The following RIMS2 variants were observed in gnomAD, a reference collection of about 807,000 sequenced individuals.
The protein encoded by RIMS2 is regulating synaptic membrane exocytosis 2.
In RIMS2, 59 loss-of-function variants were observed where a neutral mutation model predicts 174.4. The observed-to-expected ratio is 0.34, with a 90% CI of 0.27 to 0.42. The LOEUF (loss-of-function observed/expected upper bound fraction) is 0.42, where lower values mean the gene tolerates loss of function less well. Ranked by LOEUF, RIMS2 falls within the 10% of genes least tolerant of loss-of-function variation. The pLI, the probability that RIMS2 is intolerant of heterozygous loss-of-function variation, is 1.00. For missense variants in RIMS2, 1,620 were observed against 1,666.3 expected (o/e 0.97, Z 0.48); for synonymous variants, 606 against 572.5 (o/e 1.06, Z -0.84).
chr8:104,063,454 C>T (rs915927343), intron 19 of RIMS2, among the ~76,000 whole-genome samples: 1 of 151,852 alleles, frequency 6.6e-6, no homozygotes, highest in African/African-American at 2.4e-5. Context: ...TTCTTTAGCT[C>T]AATTAAAGGA....
intron 1 of RIMS2, among the ~76,000 whole-genome samples, chr8:103,595,823 T>C (rs902283570): frequency 3.3e-5 from 5 of 151,948 alleles, no homozygotes; most frequent in African/African-American, 1.2e-4. Context: ...TAAGAAGAAA[T>C]GAGGACTTCC....
intron 3 of RIMS2, among the ~76,000 whole-genome samples, chr8:103,811,367 T>A (rs1054042695): frequency 3.9e-5 from 6 of 152,206 alleles, no homozygotes; most frequent in Non-Finnish European, 8.8e-5. Context: ...AATCTAGGTT[T>A]GGTACTCTAT....
At chr8:103,798,822 C>T (rs1234649089) in intron 3 of RIMS2, among the ~76,000 whole-genome samples, 2 of 151,752 alleles carry the variant, frequency 1.3e-5, no homozygotes, top group African/African-American at 4.8e-5. Context: ...ACTTTGCAGA[C>T]ATGATTAAGG....
At chr8:104,224,147 G>C (rs545320412) in intron 19 of RIMS2, among the ~76,000 whole-genome samples, 4 of 152,224 alleles carry the variant, frequency 2.6e-5, no homozygotes, top group Non-Finnish European at 5.9e-5. Context: ...TTAGCATTCG[G>C]CCTGGAGGAC....
At chr8:104,223,729 T>C in intron 19 of RIMS2, 1 of 1,593,358 alleles carries the variant, frequency 6.3e-7, no homozygotes. Context: ...GTAGCCTGTC[T>C]GCCTCCTTCG....
At chr8:103,870,301 A>T (rs1221676159) in intron 3 of RIMS2, among the ~76,000 whole-genome samples, 2 of 152,006 alleles carry the variant, frequency 1.3e-5, no homozygotes, top group African/African-American at 4.8e-5. Context: ...TAGTGGATAC[A>T]TGTAAAGTAC....
At chr8:103,961,929 T>C (rs1184414440) in intron 15 of RIMS2, among the ~76,000 whole-genome samples, 1 of 152,184 alleles carries the variant, frequency 6.6e-6, no homozygotes, top group African/African-American at 2.4e-5. Context: ...TTTCCCTTTC[T>C]TTGTACTAAG....
chr8:103,868,113 G>A (rs1031434419), intron 3 of RIMS2, among the ~76,000 whole-genome samples: 2 of 151,914 alleles, frequency 1.3e-5, no homozygotes, highest in African/African-American at 2.4e-5. Flanking sequence ...CAACAGCTGG[G>A]ATCACAGAGA....
At chr8:103,640,171 T>C (rs2096195456) in intron 1 of RIMS2, among the ~76,000 whole-genome samples, 1 of 151,918 alleles carries the variant, frequency 6.6e-6, no homozygotes. Context: ...AATTATCAAA[T>C]TTGGGATAGT....
At chr8:104,223,101 A>T (rs1264522282) in intron 19 of RIMS2, among the ~76,000 whole-genome samples, 1 of 152,208 alleles carries the variant, frequency 6.6e-6, no homozygotes, top group Admixed American at 6.5e-5. Flanking sequence ...CGGTTTACTT[A>T]TCTGAGATGC....
chr8:104,010,817 C>T (rs1217926821), intron 17 of RIMS2, among the ~76,000 whole-genome samples: 2 of 151,994 alleles, frequency 1.3e-5, no homozygotes, highest in Non-Finnish European at 2.9e-5. Flanking sequence ...CTGATAAAAC[C>T]ATGGCCACTC....
chr8:104,223,829 T>A, intron 19 of RIMS2: 1 of 1,563,596 alleles, frequency 6.4e-7, no homozygotes, highest in Non-Finnish European at 8.7e-7. Context: ...GGTGTCTCTA[T>A]CTGTTTAGAA....
At chr8:104,206,467 A>G (rs539188414) in intron 19 of RIMS2, among the ~76,000 whole-genome samples, 2 of 152,360 alleles carry the variant, frequency 1.3e-5, no homozygotes, top group South Asian at 4.1e-4. Flanking sequence ...CAGTGTCAGA[A>G]GAATATACCA....
At chr8:103,743,555 G>T (rs985332575) in intron 2 of RIMS2, among the ~76,000 whole-genome samples, 1 of 64,052 alleles carries the variant, frequency 1.6e-5, no homozygotes, top group East Asian at 7.1e-4. Context: ...CGTATAATTA[G>T]CATCTATATT....
intron 19 of RIMS2, among the ~76,000 whole-genome samples, chr8:104,104,276 A>C (rs1326485636): frequency 6.6e-6 from 1 of 152,232 alleles, no homozygotes; most frequent in South Asian, 2.1e-4. Context: ...GGGTTGTTGA[A>C]TAGTTCTGCA....
chr8:103,770,781 TTCTG>T (rs2098244333), intron 3 of RIMS2, among the ~76,000 whole-genome samples: 2 of 152,198 alleles, frequency 1.3e-5, no homozygotes, highest in African/African-American at 4.8e-5. Context: ...ATCCTTCTCT[TTCTG>T]TCTCTCTTTC....
intron 3 of RIMS2, among the ~76,000 whole-genome samples, chr8:103,843,614 C>T (rs112956700): frequency 6.6e-6 from 1 of 152,066 alleles, no homozygotes; most frequent in Non-Finnish European, 1.5e-5. Context: ...TTGTAGGGAG[C>T]TAAGTGATTA....
At chr8:103,829,366 A>T (rs771762095) in intron 3 of RIMS2, among the ~76,000 whole-genome samples, 2 of 152,210 alleles carry the variant, frequency 1.3e-5, no homozygotes, top group African/African-American at 4.8e-5. Context: ...ATTACTGGGT[A>T]TATACCCAAA....
At chr8:103,591,511 G>A (rs1230282799) in intron 1 of RIMS2, among the ~76,000 whole-genome samples, 8 of 150,878 alleles carry the variant, frequency 5.3e-5, no homozygotes, top group African/African-American at 1.9e-4. Flanking sequence ...CAGATATTCT[G>A]TTTCCTTCTA....
Sources: allele counts gnomAD v4.1 joint callset (sites outside exome capture counted in the v4.1 genomes callset), GRCh38; gene constraint gnomAD v4.1.1; transcripts MANE v1.5; gene names NCBI Gene and HGNC (gene_info 2026-07-23, HGNC 2026-07-21).